Variants in LIPG observed in about 807,000 individuals in gnomAD.
The protein encoded by LIPG is lipase G, endothelial type, also known as endothelial lipase.
In LIPG, 34 loss-of-function variants were observed where a neutral mutation model predicts 51.8. That is an observed-to-expected ratio of 0.66 (90% CI 0.50 to 0.87). The LOEUF is 0.87. Ranked by LOEUF, LIPG falls within the 40% of genes least tolerant of loss-of-function variation. LIPG has a pLI of 0.00. For synonymous variants in LIPG, 246 were observed against 246.1 expected (o/e 1.00, Z 0.00); for missense variants, 580 against 652.7 (o/e 0.89, Z 1.21).
chr18:49,586,902 C>T (rs954329599), intron 9 of LIPG, 52 bp downstream of exon 9: 3 of 1,288,054 alleles, frequency 2.3e-6, no homozygotes, highest in Non-Finnish European at 3.4e-6. Context: ...ACATGATGAT[C>T]TCCTAGCATG....
At position 49,575,529 on chromosome 18, in the gene LIPG, T is replaced by C. The variant is rs1172082688; in HGVS notation, c.732T>C (p.Asn244=). Reference sequence around the variant, plus strand: ...TGGGCCACATTGACATCTACCCCAATGGGGGTGACTTCCAGCCAGGCTGTG... The same window carrying C: ...TGGGCCACATTGACATCTACCCCAACGGGGGTGACTTCCAGCCAGGCTGTG... ...MPVGHIDIYP[N]GGDFQPGCGL... Residue 244 remains asparagine, a synonymous_variant, in exon 5 of 10, where the codon AAT becomes AAC. Transcript: ENST00000261292. 3 of 1,614,186 alleles carry C rather than the reference T, an allele frequency of 1.9e-6. No individual in the cohort carries two copies. Among genetic ancestry groups the C allele is most frequent in the Non-Finnish European group, 2.5e-6 (3 of 1,180,038 alleles).
intron 1 of LIPG, among the ~76,000 whole-genome samples, 162 bp downstream of exon 1, chr18:49,562,567 G>A: frequency 6.6e-6 from 1 of 152,204 alleles, no homozygotes; most frequent in East Asian, 1.9e-4. Flanking sequence ...CTGTCTCTCT[G>A]CTGGTCTGAT....
chr18:49,580,165 G>A (rs554361360), intron 5 of LIPG, among the ~76,000 whole-genome samples: 31 of 152,282 alleles, frequency 2.0e-4, no homozygotes, highest in African/African-American at 7.0e-4. Context: ...GTTGGGGTTG[G>A]TTATGCCAAA....
At position 49,594,687 on chromosome 18, in the gene LIPG, G is replaced by T. The variant is rs537607929; in HGVS notation, c.*4165G>T. ...TTACATCAGTTTGACTTTATTTCTG[G>T]TCTTAAGTGTGAAAACATTTCTAAA... On this transcript the variant is annotated 3_prime_UTR_variant, in exon 10 of 10. Transcript: ENST00000261292. 1 of 152,228 alleles carries T rather than the reference G, an allele frequency of 6.6e-6. No homozygotes were observed. The highest frequency in any genetic ancestry group is 6.5e-5 in the Admixed American group (1 of 15,282). The allele number at this position is 152,228 out of a possible 1,614,324, so 9.4% of individuals were successfully genotyped here. A position where few individuals can be genotyped will look rare whatever the true frequency, so the allele number is the denominator to read the frequency against.
chr18:49,562,711 C>T (rs2084564125), intron 1 of LIPG, among the ~76,000 whole-genome samples: 1 of 151,768 alleles, frequency 6.6e-6, no homozygotes, highest in Non-Finnish European at 1.5e-5. Flanking sequence ...GCCAGCCGAG[C>T]GGCCTGGCAG....
intron 1 of LIPG, 152 bp downstream of exon 1, chr18:49,562,557 C>A: frequency 1.3e-6 from 1 of 765,058 alleles, no homozygotes; most frequent in Non-Finnish European, 2.3e-6. Flanking sequence ...TGGAGTCCAC[C>A]TGTCTCTCTG....
In LIPG at chr18:49,596,075, C is replaced by T. The variant is rs1221564179; in HGVS notation, c.*5553C>T. 6.6e-6 allele frequency: 1 copy of T among 152,086 alleles called. No homozygotes were observed. Among genetic ancestry groups the T allele is most frequent in the African/African-American group, 2.4e-5 (1 of 41,418 alleles). The allele number at this position is 152,086 out of a possible 1,614,324, so 9.4% of individuals were successfully genotyped here. A position where few individuals can be genotyped will look rare whatever the true frequency, so the allele number is the denominator to read the frequency against. ...GACGAAATAATCTGTACAGCAAACT[C>T]CTGTGACACACCATTTAACTACATA... On this transcript the variant is annotated 3_prime_UTR_variant, in exon 10 of 10. Coordinates refer to ENST00000261292, the MANE Select transcript of LIPG (RefSeq NM_006033.4).
intron 5 of LIPG, among the ~76,000 whole-genome samples, chr18:49,576,457 C>CTTTTTTTT (rs34597464): frequency 0.017 from 890 of 51,482 alleles, 301 homozygotes; most frequent in African/African-American, 0.022. Flanking sequence ...CAGAATCTTG[C>CTTTTTTTT]TTTTTTTTTT....
chr18:49,574,003 A>G (rs1302735806), intron 4 of LIPG, among the ~76,000 whole-genome samples: 1 of 152,128 alleles, frequency 6.6e-6, no homozygotes, highest in Non-Finnish European at 1.5e-5. Context: ...AACTCTCTCC[A>G]TCAGAATGGG....
rs1297256986 is a variant in LIPG, at chr18:49,569,523, G to A, written c.546G>A (p.Val182=). The A allele has an allele frequency of 3.1e-6, 5 of 1,614,000 alleles. No individual in the cohort carries two copies. In the African/African-American group the frequency reaches 6.7e-5, roughly 22 times the overall value. ...AHVAGYAGNF[V]KGTVGRITGL... Reference sequence around the variant, plus strand: ...TGGCCGGGTATGCAGGCAACTTCGTGAAAGGAACGGTGGGCCGAATCACAG... The same window carrying A: ...TGGCCGGGTATGCAGGCAACTTCGTAAAAGGAACGGTGGGCCGAATCACAG... Residue 182 remains valine, a synonymous_variant, in exon 4 of 10, where the codon GTG becomes GTA. Transcript: ENST00000261292.
At chr18:49,585,284 G>C (rs1378164515) in intron 8 of LIPG, among the ~76,000 whole-genome samples, 1 of 152,094 alleles carries the variant, frequency 6.6e-6, no homozygotes, top group Non-Finnish European at 1.5e-5. Context: ...GCTGGTTTCA[G>C]ACTCCTGATC....
Position 49,590,660 on chromosome 18 carries a change from T to C in LIPG, c.*138T>C. On this transcript the variant is annotated 3_prime_UTR_variant, in exon 10 of 10. Coordinates refer to ENST00000261292, the MANE Select transcript of LIPG (RefSeq NM_006033.4). Reference sequence around the variant, plus strand: ...ACCCTGGAGCACTGGGAACAACTGGTCTCCTGTGATGGCTGGGACTCCTCG... The same window carrying C: ...ACCCTGGAGCACTGGGAACAACTGGCCTCCTGTGATGGCTGGGACTCCTCG... 1 of 887,128 alleles carries C rather than the reference T, an allele frequency of 1.1e-6. No homozygotes were observed. The highest frequency in any genetic ancestry group is 1.7e-5 in the African/African-American group (1 of 60,422). 55.0% of individuals were successfully genotyped at this position (887,128 alleles called of 1,614,324 possible). A position where few individuals can be genotyped will look rare whatever the true frequency, so the allele number is the denominator to read the frequency against.
intron 3 of LIPG, 74 bp from the exon 4 acceptor site, chr18:49,569,363 T>G: frequency 8.1e-7 from 1 of 1,238,172 alleles, no homozygotes; most frequent in Non-Finnish European, 1.2e-6. Context: ...CGTGACTGAG[T>G]TGTTGAACTG....
chr18:49,576,531 G>T (rs142058623), intron 5 of LIPG, among the ~76,000 whole-genome samples: 1 of 128,960 alleles, frequency 7.8e-6, no homozygotes, highest in Non-Finnish European at 1.5e-5. Context: ...TCAGTAGTGC[G>T]ATCTCAGCTC....
Position 49,597,200 on chromosome 18 carries a change from T to C in LIPG, c.*6678T>C, listed in dbSNP as rs1311172410. On this transcript the variant is annotated 3_prime_UTR_variant, in exon 10 of 10. Transcript: ENST00000261292. ...TGGAGCAGGGCAGCCACCTTACACA[T>C]AGGCTAGATCTGCTTGGGAATCTTT... 1 of 152,202 alleles carries C rather than the reference T, an allele frequency of 6.6e-6. No homozygotes were observed. The highest frequency in any genetic ancestry group is 1.5e-5 in the Non-Finnish European group (1 of 68,042). The allele number at this position is 152,202 out of a possible 1,614,324, so 9.4% of individuals were successfully genotyped here. A position where few individuals can be genotyped will look rare whatever the true frequency, so the allele number is the denominator to read the frequency against.
chr18:49,565,448 T>G lies in LIPG; in HGVS notation c.229T>G (p.Cys77Gly). 1.2e-6 allele frequency: 2 copies of G among 1,614,246 alleles called. No homozygotes were observed. Among genetic ancestry groups the G allele is most frequent in the Non-Finnish European group, 8.5e-7 (1 of 1,180,046 alleles). ...SVGHSQPLED[C>G]SFNMTAKTFF... Reference sequence around the variant, plus strand: ...CGGCCACAGCCAGCCCTTAGAAGACTGCAGTTTCAACATGACAGCTAAAAC... The same window carrying G: ...CGGCCACAGCCAGCCCTTAGAAGACGGCAGTTTCAACATGACAGCTAAAAC... The change falls in exon 2 of 10, where the codon TGC (cysteine) becomes GGC (glycine). Residue 77 changes from cysteine to glycine, a missense_variant. Coordinates refer to ENST00000261292, the MANE Select transcript of LIPG (RefSeq NM_006033.4).
intron 8 of LIPG, among the ~76,000 whole-genome samples, chr18:49,585,479 T>A (rs1267892900): frequency 9.2e-5 from 14 of 152,264 alleles, no homozygotes; most frequent in Non-Finnish European, 2.9e-5. Context: ...ATATTGTTTG[T>A]GAAATTTATC....
chr18:49,580,189 C>A (rs1193197270), intron 5 of LIPG, among the ~76,000 whole-genome samples: 2 of 152,082 alleles, frequency 1.3e-5, no homozygotes, highest in African/African-American at 2.4e-5. Context: ...TTTGTAAGAT[C>A]CCAGAAATTA....
At chr18:49,580,779 A>G (rs1008438507) in intron 5 of LIPG, among the ~76,000 whole-genome samples, 3 of 152,048 alleles carry the variant, frequency 2.0e-5, no homozygotes, top group Non-Finnish European at 4.4e-5. Flanking sequence ...GGAGGTAGTG[A>G]CTCCTGCTGC....
Sources: allele counts gnomAD v4.1 joint callset (sites outside exome capture counted in the v4.1 genomes callset), GRCh38; gene constraint gnomAD v4.1.1; transcripts MANE v1.5; gene names NCBI Gene and HGNC (gene_info 2026-07-23, HGNC 2026-07-21).